ARMH4: variants seen among roughly 807,000 people sequenced by gnomAD.
ARMH4 encodes the protein armadillo like helical domain containing 4.
In ARMH4, 49 loss-of-function variants were observed where a neutral mutation model predicts 61.9. The observed-to-expected ratio is 0.79, with a 90% CI of 0.63 to 1.00. The LOEUF (loss-of-function observed/expected upper bound fraction) is 1.00. Ranked by LOEUF, ARMH4 falls within the 50% of genes least tolerant of loss-of-function variation. ARMH4 has a pLI of 0.00. For missense variants in ARMH4, 934 were observed against 930.0 expected, an observed-to-expected ratio of 1.00 and a Z score of -0.06; for synonymous variants, 368 against 341.5, an observed-to-expected ratio of 1.08 and a Z score of -0.85.
At chr14:58,030,388 C>T (rs569091024) in intron 5 of ARMH4, among the ~76,000 whole-genome samples, 12 of 152,312 alleles carry the variant, frequency 7.9e-5, no homozygotes, top group African/African-American at 2.9e-4. Context: ...TGTACAGAGT[C>T]AACCACTAGG....
intron 5 of ARMH4, among the ~76,000 whole-genome samples, chr14:58,062,507 C>G (rs992411291): frequency 6.6e-6 from 1 of 152,168 alleles, no homozygotes; most frequent in African/African-American, 2.4e-5. Flanking sequence ...GAGAAGAAAG[C>G]AGCCAGCAGA....
At chr14:58,065,693 T>G (rs920857749) in intron 5 of ARMH4, among the ~76,000 whole-genome samples, 4 of 152,228 alleles carry the variant, frequency 2.6e-5, no homozygotes, top group Non-Finnish European at 5.9e-5. Context: ...TCCTCTTAGG[T>G]GTGGGCATGG....
At chr14:58,027,701 G>C (rs1404402842) in intron 5 of ARMH4, among the ~76,000 whole-genome samples, 1 of 152,152 alleles carries the variant, frequency 6.6e-6, no homozygotes, top group Non-Finnish European at 1.5e-5. Flanking sequence ...TAGATGTTAA[G>C]TGTTCCTACA....
At chr14:58,061,493 A>T (rs1477749566) in intron 5 of ARMH4, among the ~76,000 whole-genome samples, 1 of 152,126 alleles carries the variant, frequency 6.6e-6, no homozygotes, top group Non-Finnish European at 1.5e-5. Flanking sequence ...TTTCCATCAG[A>T]CATTATTTCT....
chr14:58,108,304 A>G (rs1042819020), intron 4 of ARMH4, among the ~76,000 whole-genome samples: 3 of 152,238 alleles, frequency 2.0e-5, no homozygotes, highest in Non-Finnish European at 4.4e-5. Context: ...TTACATTTTT[A>G]TCATGTAATA....
intron 6 of ARMH4, among the ~76,000 whole-genome samples, chr14:58,006,970 C>G (rs1428842783): frequency 6.6e-6 from 1 of 152,108 alleles, no homozygotes; most frequent in African/African-American, 2.4e-5. Context: ...CAAACTTTTT[C>G]TAAAGTTCTT....
chr14:58,068,991 G>C (rs1256799801), intron 5 of ARMH4, among the ~76,000 whole-genome samples: 1 of 140,156 alleles, frequency 7.1e-6, no homozygotes, highest in South Asian at 2.4e-4. Flanking sequence ...AGGTGACAGA[G>C]TGAGACTCTG....
rs750579641 is a variant in ARMH4, at chr14:58,139,254, C to T, written c.105G>A (p.Arg35=). The change falls in exon 2 of 8, where the codon AGG becomes AGA. Residue 35 remains arginine, a synonymous_variant. Transcript: ENST00000267485. The stretch of plus-strand genomic sequence containing the variant: ...TTTCCGCATGAACATGTGCTATCTC[C>T]CTCCTCCTTTCTATTTTGGGGAAGG... ...CLAFPKIERR[R]EIAHVHAEKG... is the part of the protein sequence containing the mutation. 17 of 1,614,118 alleles carry T rather than the reference C, an allele frequency of 1.1e-5. No homozygotes were observed. The Admixed American group carries it at 2.5e-4, about 24-fold the overall frequency.
At chr14:58,114,396 G>A (rs1886454424) in intron 4 of ARMH4, among the ~76,000 whole-genome samples, 1 of 152,088 alleles carries the variant, frequency 6.6e-6, no homozygotes, top group South Asian at 2.1e-4. Flanking sequence ...TTGGGTTTCA[G>A]CCCATCTTTG....
chr14:58,147,636 T>C (rs762004481), intron 1 of ARMH4, among the ~76,000 whole-genome samples: 1 of 152,104 alleles, frequency 6.6e-6, no homozygotes, highest in Non-Finnish European at 1.5e-5. Context: ...GAATAAAAAT[T>C]GCAATAATCA....
At chr14:58,118,363 G>A (rs1886600180) in intron 4 of ARMH4, among the ~76,000 whole-genome samples, 1 of 152,130 alleles carries the variant, frequency 6.6e-6, no homozygotes, top group African/African-American at 2.4e-5. Flanking sequence ...CTGTTGGACT[G>A]TCACTTGCCT....
chr14:58,042,901 C>T (rs879121791), intron 5 of ARMH4, among the ~76,000 whole-genome samples: 8 of 152,060 alleles, frequency 5.3e-5, no homozygotes, highest in Non-Finnish European at 1.0e-4. Flanking sequence ...CCAGGAAGAA[C>T]TTGAATCTCT....
At position 58,102,626 on chromosome 14, in the gene ARMH4, A is replaced by AAGGTGAAACCCCGTCTCT. The variant is rs1251497910; in HGVS notation, c.1832-5663_1832-5646dup. Among the ~76,000 whole-genome samples the AAGGTGAAACCCCGTCTCT allele has an allele frequency of 8.4e-4, 125 of 149,346 alleles. 1 individual carries two copies. The highest frequency in any genetic ancestry group is 3.0e-3 in the African/African-American group (120 of 40,368). The stretch of plus-strand genomic sequence containing the variant: ...GGAGATCGAGACCATCCTGGCTAAC[A>AAGGTGAAACCCCGTCTCT]AGGTGAAACCCCGTCTCTACTAAAA... On this transcript the variant is annotated intron_variant, in intron 4 of 7. Transcript: ENST00000267485.
At chr14:58,116,350 T>C in intron 4 of ARMH4, 1 of 353,172 alleles carries the variant, frequency 2.8e-6, no homozygotes, top group Non-Finnish European at 5.9e-6. Context: ...CAAAATGTTT[T>C]GGATTCAATT....
intron 1 of ARMH4, among the ~76,000 whole-genome samples, chr14:58,150,759 C>T (rs908707086): frequency 3.3e-5 from 5 of 151,898 alleles, no homozygotes; most frequent in Admixed American, 2.0e-4. Context: ...AAAAAAAAAA[C>T]CACTTTATTC....
At position 58,033,289 on chromosome 14, in the gene ARMH4, G is replaced by A. The variant is rs1883340647; in HGVS notation, c.2090-21139C>T. ...ACTGGGAGGCACCCCCCCAGCAGGG[G>A]CACACTGACACCTCACACGGCAGGG... On this transcript the variant is annotated intron_variant, in intron 5 of 7. Transcript: ENST00000267485. 1.8e-5 allele frequency among the ~76,000 whole-genome samples: 2 copies of A among 112,268 alleles called. 1 individual carries two copies. Among genetic ancestry groups the A allele is most frequent in the Non-Finnish European group, 4.0e-5 (2 of 49,894 alleles). 73.7% of individuals were successfully genotyped at this position (112,268 alleles called of 152,430 possible). A position where few individuals can be genotyped will look rare whatever the true frequency, so the allele number is the denominator to read the frequency against.
At chr14:58,121,449 GA>G (rs1339812196) in intron 4 of ARMH4, among the ~76,000 whole-genome samples, 5 of 152,180 alleles carry the variant, frequency 3.3e-5, no homozygotes, top group African/African-American at 1.2e-4. Context: ...CCTGTGGCAG[GA>G]AAGCATACCA....
chr14:58,064,742 T>C (rs1430583000), intron 5 of ARMH4, among the ~76,000 whole-genome samples: 2 of 152,152 alleles, frequency 1.3e-5, no homozygotes, highest in Non-Finnish European at 2.9e-5. Context: ...AGAGCCAAAA[T>C]AGATAAATGA....
At chr14:58,120,143 C>T (rs2141302882) in intron 4 of ARMH4, among the ~76,000 whole-genome samples, 1 of 152,152 alleles carries the variant, frequency 6.6e-6, no homozygotes, top group East Asian at 1.9e-4. Context: ...CAAACATGTA[C>T]AGCATGTTAC....
Sources: allele counts gnomAD v4.1 joint callset (sites outside exome capture counted in the v4.1 genomes callset), GRCh38; gene constraint gnomAD v4.1.1; transcripts MANE v1.5; gene names NCBI Gene and HGNC (gene_info 2026-07-23, HGNC 2026-07-21).